DNM3: variants seen among roughly 807,000 people sequenced by gnomAD.
The protein encoded by DNM3 is dynamin-3.
In DNM3, 47 loss-of-function variants were observed where a neutral mutation model predicts 101.6. That is an observed-to-expected ratio of 0.46 (90% CI 0.37 to 0.59). The LOEUF (loss-of-function observed/expected upper bound fraction) is 0.59, where lower values mean the gene tolerates loss of function less well. Ranked by LOEUF, DNM3 falls within the 20% of genes least tolerant of loss-of-function variation. The pLI is 0.00. For missense variants in DNM3, 849 were observed against 1,085.7 expected, an observed-to-expected ratio of 0.78 and a Z score of 3.06; for synonymous variants, 385 against 387.9, an observed-to-expected ratio of 0.99 and a Z score of 0.09.
At chr1:172,117,385 G>A (rs2055988350) in intron 13 of DNM3, among the ~76,000 whole-genome samples, 2 of 152,112 alleles carry the variant, frequency 1.3e-5, no homozygotes, top group Admixed American at 6.5e-5. Flanking sequence ...ATTCCCACGT[G>A]TGGTGGGAGG....
At chr1:172,190,623 G>C (rs1003917471) in intron 14 of DNM3, among the ~76,000 whole-genome samples, 2 of 152,146 alleles carry the variant, frequency 1.3e-5, no homozygotes, top group Admixed American at 1.3e-4. Flanking sequence ...CTAGTGTACA[G>C]TCCCACCAAC....
chr1:171,891,279 T>C (rs2037253955), intron 1 of DNM3, among the ~76,000 whole-genome samples: 1 of 152,056 alleles, frequency 6.6e-6, no homozygotes, highest in Admixed American at 6.6e-5. Flanking sequence ...TCCAAATTAT[T>C]TTTTTCAAAT....
intron 2 of DNM3, among the ~76,000 whole-genome samples, chr1:171,952,846 T>C (rs1448330486): frequency 6.6e-6 from 1 of 152,200 alleles, no homozygotes; most frequent in Non-Finnish European, 1.5e-5. Flanking sequence ...AGTACCTCTA[T>C]GTTTAAATAA....
rs780323967 is a variant in DNM3 at position 172,154,282 on chromosome 1, C to T, written c.1659+22994C>T. Among the ~76,000 whole-genome samples, 8 of 144,272 alleles carry T rather than the reference C, an allele frequency of 5.5e-5. No homozygotes were observed. In the Admixed American group the frequency reaches 5.6e-4, roughly 10 times the overall value. 94.6% of individuals were successfully genotyped at this position (144,272 alleles called of 152,430 possible). ...AGAATCAAGGCCACTAAAAAATCAC[C>T]TTCCTAGTTTACATTATATAATCTT... On this transcript the variant is annotated intron_variant, in intron 14 of 20. Coordinates refer to ENST00000627582, the MANE Select transcript of DNM3 (RefSeq NM_015569.5).
At chr1:172,203,832 A>C (rs1364495447) in intron 14 of DNM3, among the ~76,000 whole-genome samples, 7 of 152,178 alleles carry the variant, frequency 4.6e-5, no homozygotes, top group Non-Finnish European at 1.5e-5. Context: ...ATTCTGATGT[A>C]AGTTTGATGG....
downstream of DNM3, among the ~76,000 whole-genome samples, chr1:172,417,162 G>A (rs141817797): frequency 2.0e-4 from 31 of 152,218 alleles, 1 homozygote; most frequent in Middle Eastern, 6.8e-3. Flanking sequence ...GGAAGTGAGC[G>A]TTGTTGAACA....
intron 2 of DNM3, among the ~76,000 whole-genome samples, chr1:171,980,767 A>AT (rs35033942): frequency 0.022 from 2,409 of 110,234 alleles, 83 homozygotes; most frequent in African/African-American, 0.047. Flanking sequence ...AAATCTACAG[A>AT]TTTTTTTTTT....
chr1:171,999,864 G>A (rs1405339256), intron 4 of DNM3, among the ~76,000 whole-genome samples: 1 of 152,066 alleles, frequency 6.6e-6, no homozygotes, highest in Non-Finnish European at 1.5e-5. Context: ...AGAATGCTAG[G>A]AGTCACCAGA....
intron 14 of DNM3, among the ~76,000 whole-genome samples, chr1:172,200,724 AT>A: frequency 6.6e-6 from 1 of 151,990 alleles, no homozygotes; most frequent in South Asian, 2.1e-4. Context: ...GCATTCTTGT[AT>A]TGTGTTACTC....
intron 4 of DNM3, among the ~76,000 whole-genome samples, chr1:172,004,545 GGT>G (rs2046553196): frequency 6.6e-6 from 1 of 151,870 alleles, no homozygotes; most frequent in African/African-American, 2.4e-5. Flanking sequence ...GTTGAAAATG[GGT>G]GTTGTAGACA....
At chr1:172,244,798 G>A (rs992163366) in intron 14 of DNM3, among the ~76,000 whole-genome samples, 6 of 152,122 alleles carry the variant, frequency 3.9e-5, no homozygotes, top group Non-Finnish European at 5.9e-5. Context: ...TCAGTGTGGC[G>A]ATTCCTCAGG....
At chr1:172,389,082 T>C in intron 20 of DNM3, 1 of 469,310 alleles carries the variant, frequency 2.1e-6, no homozygotes, top group East Asian at 3.8e-5. Flanking sequence ...TGGCAGCTAT[T>C]GGGAGAATTT....
chr1:172,290,493 A>G (rs1358447356), intron 15 of DNM3, among the ~76,000 whole-genome samples: 1 of 152,180 alleles, frequency 6.6e-6, no homozygotes, highest in Non-Finnish European at 1.5e-5. Flanking sequence ...GGATGGGAAG[A>G]ATGAAAATGC....
intron 1 of DNM3, among the ~76,000 whole-genome samples, chr1:171,919,595 T>C (rs1173328702): frequency 6.6e-6 from 1 of 152,178 alleles, no homozygotes; most frequent in Non-Finnish European, 1.5e-5. Context: ...ATTAACCTGT[T>C]CCTTTTTGGT....
chr1:172,011,988 A>G (rs2047159271), intron 4 of DNM3, among the ~76,000 whole-genome samples: 1 of 152,044 alleles, frequency 6.6e-6, no homozygotes, highest in Non-Finnish European at 1.5e-5. Context: ...ATATGCAACT[A>G]CTGCATAACA....
chr1:172,397,811 T>C (rs895798625), intron 20 of DNM3, among the ~76,000 whole-genome samples: 2 of 152,128 alleles, frequency 1.3e-5, no homozygotes, highest in African/African-American at 2.4e-5. Flanking sequence ...TATGTGGCTA[T>C]TTGATGTATA....
chr1:172,148,803 A>G (rs2058020993), intron 14 of DNM3, among the ~76,000 whole-genome samples: 1 of 152,046 alleles, frequency 6.6e-6, no homozygotes, highest in South Asian at 2.1e-4. Flanking sequence ...GAGGCAATGC[A>G]GTCCCCTAAT....
At chr1:172,323,577 A>C (rs2065820734) in intron 17 of DNM3, among the ~76,000 whole-genome samples, 1 of 152,208 alleles carries the variant, frequency 6.6e-6, no homozygotes, top group African/African-American at 2.4e-5. Context: ...TGGCTAGTTC[A>C]GAGAGGTTGA....
At chr1:171,854,516 G>T (rs2033361923) in intron 1 of DNM3, among the ~76,000 whole-genome samples, 1 of 152,050 alleles carries the variant, frequency 6.6e-6, no homozygotes, top group Admixed American at 6.6e-5. Flanking sequence ...CTGAGACAAA[G>T]TCTCGCTCTT....
Sources: gnomAD v4.1 joint callset for allele counts (sites outside exome capture counted in the v4.1 genomes callset) on GRCh38, gnomAD v4.1.1 for gene constraint, MANE v1.5 for transcripts, NCBI Gene and HGNC (gene_info 2026-07-23, HGNC 2026-07-21) for gene names.